Variants in TRIM71 observed in about 807,000 individuals in gnomAD.
TRIM71 encodes the protein tripartite motif containing 71, also known as E3 ubiquitin-protein ligase TRIM71.
A neutral mutation model predicts 61.2 loss-of-function variants in TRIM71; 9 were observed. That is an observed-to-expected ratio of 0.15 (90% CI 0.09 to 0.26). The LOEUF (loss-of-function observed/expected upper bound fraction) is 0.26, where lower values mean the gene tolerates loss of function less well. Ranked by LOEUF, TRIM71 falls within the 10% of genes least tolerant of loss-of-function variation. The pLI, the probability that TRIM71 is intolerant of heterozygous loss-of-function variation, is 1.00. For missense variants in TRIM71, 998 were observed against 1,238.7 expected, an observed-to-expected ratio of 0.81 and a Z score of 2.92; for synonymous variants, 645 against 553.2, an observed-to-expected ratio of 1.17 and a Z score of -2.33.
chr3:32,873,083 C>CCCTT (rs1696815118), intron 1 of TRIM71, among the ~76,000 whole-genome samples: 1 of 139,558 alleles, frequency 7.2e-6, no homozygotes, highest in Admixed American at 7.2e-5. Flanking sequence ...CTCCCTCCCT[C>CCCTT]CCTCCCTCCC....
chr3:32,818,637 C>T lies in TRIM71; in HGVS notation c.557C>T (p.Ala186Val), dbSNP rs1398228479. Residue 186 changes from alanine (A) to valine (V), a missense_variant, in exon 1 of 4, where the codon GCT (alanine) becomes GTT (valine). Ala to Val is a moderately conservative substitution (Grantham distance 64). Around this residue, in one of 5 missense-constraint regions of TRIM71, gnomAD observed 527 missense variants for 427.8 expected, o/e 1.23. Transcript: ENST00000383763. ...CGCTCGGCACCCGGCGGCCCTGCCG[C>T]TTCCCCGTCGGCGCTGCTGCTCCGC... Reference protein sequence around the residue: ...PSRSAPGGPAASPSALLLRRP... With the variant: ...PSRSAPGGPAVSPSALLLRRP... 1 of 1,464,378 alleles carries T rather than the reference C, an allele frequency of 6.8e-7. No homozygotes were observed. Among genetic ancestry groups the T allele is most frequent in the Non-Finnish European group, 8.9e-7 (1 of 1,117,334 alleles). The allele number at this position is 1,464,378 out of a possible 1,614,324, so 90.7% of individuals were successfully genotyped here. A position where few individuals can be genotyped will look rare whatever the true frequency, so the allele number is the denominator to read the frequency against.
At chr3:32,835,125 G>A (rs1297059994) in intron 1 of TRIM71, among the ~76,000 whole-genome samples, 1 of 152,200 alleles carries the variant, frequency 6.6e-6, no homozygotes, top group Non-Finnish European at 1.5e-5. Flanking sequence ...AGAAGGAGGT[G>A]ATGTTAAGCT....
Position 32,894,858 on chromosome 3 carries a change from G to A in TRIM71, c.*3047G>A, listed in dbSNP as rs975368699. 5.9e-5 allele frequency: 9 copies of A among 152,204 alleles called. No homozygotes were observed. Among genetic ancestry groups the A allele is most frequent in the Admixed American group, 5.9e-4 (9 of 15,276 alleles). 9.4% of individuals were successfully genotyped at this position (152,204 alleles called of 1,614,324 possible). On this transcript the variant is annotated 3_prime_UTR_variant, in exon 4 of 4. Transcript: ENST00000383763. ...TAGCCAGGAGTTGGGTCAAAGAAGG[G>A]AGTCGTCATCCTGATGGAAAAAATA...
At chr3:32,843,126 AGGTTT>A (rs1273597082) in intron 1 of TRIM71, among the ~76,000 whole-genome samples, 1 of 152,116 alleles carries the variant, frequency 6.6e-6, no homozygotes, top group Non-Finnish European at 1.5e-5. Flanking sequence ...TGCTGGGACT[AGGTTT>A]GACTGAATTG....
chr3:32,850,880 A>G (rs1186063009), intron 1 of TRIM71, among the ~76,000 whole-genome samples: 1 of 152,170 alleles, frequency 6.6e-6, no homozygotes, highest in East Asian at 1.9e-4. Context: ...CGAAATCTCA[A>G]GTCATTCTCC....
Position 32,818,527 on chromosome 3 carries a change from C to G in TRIM71, c.447C>G (p.His149Gln), listed in dbSNP as rs1198941407. The G allele has an allele frequency of 6.4e-6, 9 of 1,399,794 alleles. No homozygotes were observed. The highest frequency in any genetic ancestry group is 3.3e-5 in the Admixed American group (1 of 30,550). The allele number at this position is 1,399,794 out of a possible 1,614,324, so 86.7% of individuals were successfully genotyped here. Residue 149 changes from histidine (H) to glutamine (Q), a missense_variant, in exon 1 of 4, where the codon CAC becomes CAG. His to Gln is a conservative substitution (Grantham distance 24). Coordinates refer to ENST00000383763, the MANE Select transcript of TRIM71 (RefSeq NM_001039111.3). ...CGGGAGCGGGCGGCCACAGCAACCA[C>G]CGGCACCACGCTCACCACGCGCACC... ...APAGAGGHSN[H>Q]RHHAHHAHPR...
intron 1 of TRIM71, among the ~76,000 whole-genome samples, chr3:32,823,701 C>T (rs994873390): frequency 5.3e-5 from 8 of 150,942 alleles, no homozygotes; most frequent in South Asian, 4.2e-4. Flanking sequence ...TGCAGTGAGC[C>T]GAGGGTGCAG....
In TRIM71 at chr3:32,818,387, G is replaced by A; in HGVS notation, c.307G>A (p.Ala103Thr). Residue 103 changes from alanine to threonine, a missense_variant, in exon 1 of 4, where the codon GCG (alanine) becomes ACG (threonine). Ala to Thr is a moderately conservative substitution (Grantham distance 58, BLOSUM62 0). This residue lies in a region of TRIM71 where 527 missense variants were observed against 427.8 expected (regional missense o/e 1.23). Coordinates refer to ENST00000383763, the MANE Select transcript of TRIM71 (RefSeq NM_001039111.3). ...VCDQKVVLAEAAGMDALPSSA... is the reference protein window; with the variant it reads ...VCDQKVVLAETAGMDALPSSA... ...CGACCAGAAAGTAGTGCTAGCCGAG[G>A]CGGCGGGTATGGACGCGCTGCCTTC... 2 of 1,479,444 alleles carry A rather than the reference G, an allele frequency of 1.4e-6. No homozygotes were observed. The highest frequency in any genetic ancestry group is 2.9e-5 in the East Asian group (1 of 34,170). 91.6% of individuals were successfully genotyped at this position (1,479,444 alleles called of 1,614,324 possible).
chr3:32,867,526 C>T (rs1253013300), intron 1 of TRIM71, among the ~76,000 whole-genome samples: 1 of 152,064 alleles, frequency 6.6e-6, no homozygotes, highest in Non-Finnish European at 1.5e-5. Flanking sequence ...GATCATGGCT[C>T]ACTATAGCCT....
At chr3:32,820,132 T>C (rs1021189055) in intron 1 of TRIM71, among the ~76,000 whole-genome samples, 11 of 152,184 alleles carry the variant, frequency 7.2e-5, no homozygotes, top group Non-Finnish European at 1.2e-4. Context: ...AAGTCTTGAC[T>C]TAGAGCGTAA....
At position 32,818,419 on chromosome 3, in the gene TRIM71, C is replaced by T. The variant is rs1293435424; in HGVS notation, c.339C>T (p.Ala113=). 7 of 1,477,348 alleles carry T rather than the reference C, an allele frequency of 4.7e-6. No individual in the cohort carries two copies. The highest frequency in any genetic ancestry group is 2.3e-5 in the Admixed American group (1 of 44,224). 91.5% of individuals were successfully genotyped at this position (1,477,348 alleles called of 1,614,324 possible). A position where few individuals can be genotyped will look rare whatever the true frequency, so the allele number is the denominator to read the frequency against. ...GTATGGACGCGCTGCCTTCGTCCGC[C>T]TTCCTGCTTAGCAACCTGCTCGACG... is the stretch of plus-strand genomic sequence containing the variant. ...AAGMDALPSS[A]FLLSNLLDAV... is the part of the protein sequence containing the mutation. The change falls in exon 1 of 4, where the codon GCC becomes GCT. Residue 113 remains alanine (A), a synonymous_variant. Coordinates refer to ENST00000383763, the MANE Select transcript of TRIM71 (RefSeq NM_001039111.3).
intron 1 of TRIM71, among the ~76,000 whole-genome samples, chr3:32,864,096 G>A (rs1483366796): frequency 6.6e-6 from 1 of 151,828 alleles, no homozygotes; most frequent in Non-Finnish European, 1.5e-5. Context: ...ATTGAGGCAG[G>A]GTTTCTGTTG....
At position 32,818,488 on chromosome 3, in the gene TRIM71, C is replaced by T. The variant is rs1352129692; in HGVS notation, c.408C>T (p.Arg136=). Residue 136 remains arginine (R), a synonymous_variant, in exon 1 of 4, where the codon CGC becomes CGT. Transcript: ENST00000383763. The stretch of plus-strand genomic sequence containing the variant: ...ACGAGCCGCCGCCCAAGAACGGGCG[C>T]GCCGGCGCTCCGGCGGGAGCGGGCG... The part of the protein sequence containing the change: ...TADEPPPKNG[R]AGAPAGAGGH... 1.4e-5 allele frequency: 20 copies of T among 1,431,382 alleles called. No individual in the cohort carries two copies. Among genetic ancestry groups the T allele is most frequent in the Admixed American group, 2.8e-5 (1 of 35,936 alleles). The allele number at this position is 1,431,382 out of a possible 1,614,324, so 88.7% of individuals were successfully genotyped here.
chr3:32,844,404 T>A (rs1696447030), intron 1 of TRIM71, among the ~76,000 whole-genome samples: 1 of 152,168 alleles, frequency 6.6e-6, no homozygotes, highest in African/African-American at 2.4e-5. Context: ...TCACTTTTAT[T>A]CCCTTTCCCT....
At chr3:32,840,157 A>G (rs557369002) in intron 1 of TRIM71, among the ~76,000 whole-genome samples, 87 of 152,232 alleles carry the variant, frequency 5.7e-4, no homozygotes, top group African/African-American at 2.0e-3. Context: ...TACCCACTGT[A>G]TTGTCAGTGG....
intron 2 of TRIM71, among the ~76,000 whole-genome samples, chr3:32,874,422 G>A (rs532132465): frequency 3.4e-4 from 52 of 152,168 alleles, no homozygotes; most frequent in Non-Finnish European, 4.9e-4. Context: ...GAGTGCAGTT[G>A]TGTGATCTCG....
chr3:32,890,299 G>GCT lies in TRIM71; in HGVS notation c.1156-61_1156-60insCT, dbSNP rs1697010341. 7.1e-6 allele frequency: 11 copies of GCT among 1,552,514 alleles called. No homozygotes were observed. The highest frequency in any genetic ancestry group is 9.6e-6 in the Non-Finnish European group (11 of 1,145,486). ...CTTGTGATTAGTTGTGGCTTATGTG[G>GCT]TATTTTCTGTGCTTGGCTCTAAGCC... On this transcript the variant is annotated intron_variant, in intron 3 of 3. Coordinates refer to ENST00000383763, the MANE Select transcript of TRIM71 (RefSeq NM_001039111.3). This position sits in a 1 kb window ranked among gnomAD's most constrained non-coding sequence, Gnocchi z 6.2.
At chr3:32,854,594 TAC>T (rs1225210213) in intron 1 of TRIM71, among the ~76,000 whole-genome samples, 3 of 152,160 alleles carry the variant, frequency 2.0e-5, no homozygotes, top group Non-Finnish European at 2.9e-5. Context: ...CCCTAGGCCT[TAC>T]TCAAGGAGGA....
At chr3:32,865,797 C>G (rs1427174744) in intron 1 of TRIM71, among the ~76,000 whole-genome samples, 4 of 24,856 alleles carry the variant, frequency 1.6e-4, no homozygotes, top group Non-Finnish European at 2.4e-4. Context: ...CGCCGGCCCC[C>G]CCCCCCCCCC....
Sources: gnomAD v4.1 joint callset for allele counts (sites outside exome capture counted in the v4.1 genomes callset) on GRCh38, gnomAD v4.1.1 for gene constraint, gnomAD v4.1.1 regional missense constraint, Gnocchi (gnomAD v3.1) non-coding constraint, MANE v1.5 for transcripts, NCBI Gene and HGNC (gene_info 2026-07-23, HGNC 2026-07-21) for gene names.